Variants in LIN54 observed in about 807,000 individuals in gnomAD.
LIN54 encodes protein lin-54 homolog.
In LIN54, 9 loss-of-function variants were observed where a neutral mutation model predicts 78.7. The ratio of observed to expected loss-of-function variants is 0.11; its 90% CI spans 0.07 to 0.20. LIN54 has a LOEUF of 0.20. Ranked by LOEUF, LIN54 falls within the 10% of genes least tolerant of loss-of-function variation. LIN54 has a pLI of 1.00. For missense variants in LIN54, 573 were observed against 889.9 expected (o/e 0.64, Z 4.53); for synonymous variants, 269 against 318.4 (o/e 0.84, Z 1.65).
chr4:82,981,876 A>G (rs1726684499), intron 2 of LIN54, among the ~76,000 whole-genome samples: 1 of 152,060 alleles, frequency 6.6e-6, no homozygotes, highest in African/African-American at 2.4e-5. Flanking sequence ...TACAAAAAAA[A>G]TACAAAAATT....
chr4:83,012,040 T>A (rs752184285), upstream of LIN54: 1 of 985,376 alleles, frequency 1.0e-6, no homozygotes, highest in Non-Finnish European at 1.2e-6. Flanking sequence ...GGCAACTCCA[T>A]ATAAAAGTCG....
chr4:82,977,726 G>A (rs1053544881), intron 3 of LIN54, among the ~76,000 whole-genome samples: 1 of 152,188 alleles, frequency 6.6e-6, no homozygotes, highest in African/African-American at 2.4e-5. Flanking sequence ...ACAGTCTAGG[G>A]ATGGGTAATT....
rs144260608 is a variant in LIN54 at position 82,970,438 on chromosome 4, A to G, written c.840T>C (p.Thr280=). 1.6e-5 allele frequency: 26 copies of G among 1,612,882 alleles called. No individual in the cohort carries two copies. In the African/African-American group the frequency reaches 3.5e-4, roughly 22 times the overall value. Residue 280 remains threonine (T), a synonymous_variant, in exon 4 of 13, where the codon ACT becomes ACC. Coordinates refer to ENST00000340417, the MANE Select transcript of LIN54 (RefSeq NM_194282.4). ...GRVLSQSTPG[T]PSKTITISES... is the part of the protein sequence containing the mutation. ...CAGATATTGTTATGGTCTTTGATGGAGTTCCGGGAGTAGACTGTGAAAGAA... is the reference window on the plus strand; with the variant it reads ...CAGATATTGTTATGGTCTTTGATGGGGTTCCGGGAGTAGACTGTGAAAGAA...
At chr4:82,939,840 T>C in intron 6 of LIN54, 49 bp downstream of exon 6, 2 of 1,588,544 alleles carry the variant, frequency 1.3e-6, no homozygotes, top group Non-Finnish European at 1.7e-6. Context: ...ATTTAAAAAG[T>C]AAATCGTCTA....
intron 5 of LIN54, among the ~76,000 whole-genome samples, chr4:82,943,803 GT>G (rs1723133284): frequency 6.6e-6 from 1 of 150,874 alleles, no homozygotes; most frequent in African/African-American, 2.4e-5. Context: ...AAAAAGAGAA[GT>G]AGAGACAGGC....
chr4:82,995,356 T>G (rs945061848), intron 1 of LIN54, among the ~76,000 whole-genome samples: 1 of 151,002 alleles, frequency 6.6e-6, no homozygotes, highest in African/African-American at 2.4e-5. Context: ...TTAAATTTAA[T>G]TTTTTTTTAA....
rs989027333 is a variant in LIN54 at position 82,925,637 on chromosome 4, C to A, written c.*2465G>T. 2 of 152,582 alleles carry A rather than the reference C, an allele frequency of 1.3e-5. No homozygotes were observed. The highest frequency in any genetic ancestry group is 4.8e-5 in the African/African-American group (2 of 41,444). The allele number at this position is 152,582 out of a possible 1,614,324, so 9.5% of individuals were successfully genotyped here. A position where few individuals can be genotyped will look rare whatever the true frequency, so the allele number is the denominator to read the frequency against. On this transcript the variant is annotated 3_prime_UTR_variant, in exon 13 of 13. Coordinates refer to ENST00000340417, the MANE Select transcript of LIN54 (RefSeq NM_194282.4). ...TTCAGAAGTAATGTCAAATTTACTT[C>A]AGATAATTTAAAAGGTTTTTTGCAT...
Position 82,971,427 on chromosome 4 carries a change from C to T in LIN54, c.809-958G>A, listed in dbSNP as rs182637250. 4.6e-5 allele frequency among the ~76,000 whole-genome samples: 7 copies of T among 152,124 alleles called. No individual in the cohort carries two copies. The East Asian group carries it at 9.7e-4, about 21-fold the overall frequency. On this transcript the variant is annotated intron_variant, in intron 3 of 12. Coordinates refer to ENST00000340417, the MANE Select transcript of LIN54 (RefSeq NM_194282.4). ...TATTTTCCTCTGCCATCTGAGATGG[C>T]GGCTCCTTGGTTAGCCTGTGTCCCT...
intron 1 of LIN54, among the ~76,000 whole-genome samples, chr4:82,996,293 G>A (rs373293956): frequency 6.6e-6 from 1 of 152,066 alleles, no homozygotes; most frequent in East Asian, 1.9e-4. Context: ...GCTCTTCATA[G>A]GCTAAAAGAG....
intron 3 of LIN54, among the ~76,000 whole-genome samples, chr4:82,972,491 A>C (rs1725746502): frequency 6.6e-6 from 1 of 152,170 alleles, no homozygotes; most frequent in South Asian, 2.1e-4. Context: ...GAGCCGCCCT[A>C]AAGTATTCAG....
intron 3 of LIN54, among the ~76,000 whole-genome samples, chr4:82,970,673 C>T (rs552498608): frequency 2.0e-5 from 3 of 152,298 alleles, no homozygotes; most frequent in African/African-American, 7.2e-5. Context: ...TATCAGCTTA[C>T]ATTAAACTCT....
chr4:82,947,223 A>ATTT lies in LIN54; in HGVS notation c.952-750_952-749insAAA, dbSNP rs1339545376. 1.4e-3 allele frequency among the ~76,000 whole-genome samples: 25 copies of ATTT among 17,522 alleles called. 3 individuals carry two copies. The highest frequency in any genetic ancestry group is 4.4e-3 in the African/African-American group (25 of 5,718). The allele number at this position is 17,522 out of a possible 152,430, so 11.5% of individuals were successfully genotyped here. ...AAAAAAAATTTATATATATATATAT[A>ATTT]TATATATATATATTTTTTTTTTTTT... On this transcript the variant is annotated intron_variant, in intron 4 of 12. Coordinates refer to ENST00000340417, the MANE Select transcript of LIN54 (RefSeq NM_194282.4).
At chr4:82,940,825 T>G (rs1178780540) in intron 5 of LIN54, among the ~76,000 whole-genome samples, 2 of 152,236 alleles carry the variant, frequency 1.3e-5, no homozygotes, top group African/African-American at 4.8e-5. Context: ...TCTAACCACT[T>G]AAGCTCTCTT....
chr4:82,978,844 G>A, intron 3 of LIN54, 39 bp downstream of exon 3: 2 of 1,283,536 alleles, frequency 1.6e-6, no homozygotes, highest in African/African-American at 1.5e-5. Flanking sequence ...CTAAAAGGAA[G>A]ATAAATATTT....
At chr4:83,011,540 C>T (rs956288252), upstream of LIN54, among the ~76,000 whole-genome samples, 3 of 151,736 alleles carry the variant, frequency 2.0e-5, no homozygotes, top group Non-Finnish European at 4.4e-5. Flanking sequence ...GAAAATATAA[C>T]TCTTAGCTAA....
chr4:82,970,358 A>G lies in LIN54; in HGVS notation c.920T>C (p.Ile307Thr), dbSNP rs1725536972. 2 of 1,610,974 alleles carry G rather than the reference A, an allele frequency of 1.2e-6. No individual in the cohort carries two copies. Among genetic ancestry groups the G allele is most frequent in the Non-Finnish European group, 1.7e-6 (2 of 1,179,024 alleles). The change falls in exon 4 of 13, where the codon ATA becomes ACA. Residue 307 changes from isoleucine (I) to threonine (T), a missense_variant. Transcript: ENST00000340417. ...TGGCGATTTCAAAGGTGAGATGGCT[A>G]TTTTATTTGGTGTCTGTGTTGTAGA... The part of the protein sequence containing the change: ...LNSTTQTPNK[I>T]AISPLKSPNK...
intron 4 of LIN54, among the ~76,000 whole-genome samples, chr4:82,962,550 G>C (rs1156508842): frequency 6.6e-6 from 1 of 151,502 alleles, no homozygotes; most frequent in Non-Finnish European, 1.5e-5. Flanking sequence ...TAGAAAAGAC[G>C]GACAACAGAT....
intron 4 of LIN54, among the ~76,000 whole-genome samples, chr4:82,956,118 T>G (rs1241627341): frequency 2.0e-5 from 3 of 151,978 alleles, no homozygotes; most frequent in Non-Finnish European, 2.9e-5. Flanking sequence ...CGGCTAAATT[T>G]TTTAGTATTT....
chr4:83,004,701 G>A (rs538065922), intron 1 of LIN54, among the ~76,000 whole-genome samples: 9 of 149,982 alleles, frequency 6.0e-5, no homozygotes, highest in South Asian at 2.1e-4. Flanking sequence ...GTCTTGCTAC[G>A]TTGCCCAGGC....
Sources: allele counts gnomAD v4.1 joint callset (sites outside exome capture counted in the v4.1 genomes callset), GRCh38; gene constraint gnomAD v4.1.1; transcripts MANE v1.5; gene names NCBI Gene and HGNC (gene_info 2026-07-23, HGNC 2026-07-21).